The following MYO10 variants were observed in gnomAD, a reference collection of about 807,000 sequenced individuals.
The protein encoded by MYO10 is myosin X.
Under a neutral mutation model 257.3 loss-of-function variants are expected in MYO10, and 133 were observed. The ratio of observed to expected loss-of-function variants is 0.52; its 90% CI spans 0.45 to 0.60. MYO10 has a LOEUF of 0.60. Ranked by LOEUF, MYO10 falls within the 20% of genes least tolerant of loss-of-function variation. MYO10 has a pLI of 0.00. For synonymous variants in MYO10, 1,104 were observed against 1,028.6 expected, an observed-to-expected ratio of 1.07 and a Z score of -1.40; for missense variants, 2,399 against 2,635.7, an observed-to-expected ratio of 0.91 and a Z score of 1.97.
intron 1 of MYO10, among the ~76,000 whole-genome samples, chr5:16,910,499 C>T (rs549625277): frequency 3.1e-4 from 47 of 152,146 alleles, no homozygotes; most frequent in African/African-American, 1.1e-3. Context: ...GGAAGGACCA[C>T]GTGAAAATGA....
chr5:16,749,054 C>A (rs1740303042), intron 19 of MYO10, among the ~76,000 whole-genome samples: 1 of 152,178 alleles, frequency 6.6e-6, no homozygotes, highest in Non-Finnish European at 1.5e-5. Context: ...CCTAACTCCA[C>A]TCCACGTCTC....
At chr5:16,728,941 T>C (rs1471773805) in intron 19 of MYO10, among the ~76,000 whole-genome samples, 1 of 152,242 alleles carries the variant, frequency 6.6e-6, no homozygotes, top group African/African-American at 2.4e-5. Context: ...TCTTTTCTTT[T>C]CTTTTAAGCA....
chr5:16,823,113 G>C lies in MYO10; in HGVS notation c.121-4946C>G, dbSNP rs377408052. Among the ~76,000 whole-genome samples the C allele has an allele frequency of 2.1e-4, 32 of 151,736 alleles. No homozygotes were observed. The South Asian group carries it at 6.3e-3, about 30-fold the overall frequency. On this transcript the variant is annotated intron_variant, in intron 2 of 40. Transcript: ENST00000513610. ...AATTAGCAGGGTATTAGTCGTGCAA[G>C]GTATACAGCAGGAAAGAAAACTCTA...
At chr5:16,830,679 G>GCACACACACACACACACTCACA (rs148243580) in intron 2 of MYO10, among the ~76,000 whole-genome samples, 3,729 of 148,948 alleles carry the variant, frequency 0.025, 69 homozygotes, top group African/African-American at 0.048. Context: ...TTTTTAATAG[G>GCACACACACACACACACTCACA]CACACACACA....
chr5:16,796,909 T>A (rs187936600), intron 3 of MYO10, among the ~76,000 whole-genome samples: 1 of 152,270 alleles, frequency 6.6e-6, no homozygotes. Context: ...CTGACTGGTG[T>A]CTTTGTTAGA....
chr5:16,796,533 C>A (rs993266889), intron 3 of MYO10, among the ~76,000 whole-genome samples: 1 of 151,642 alleles, frequency 6.6e-6, no homozygotes, highest in Non-Finnish European at 1.5e-5. Context: ...TACAGAGTTA[C>A]CAAAGCTTAA....
At chr5:16,813,772 C>T (rs11745637) in intron 3 of MYO10, among the ~76,000 whole-genome samples, 1 of 151,862 alleles carries the variant, frequency 6.6e-6, no homozygotes, top group African/African-American at 2.4e-5. Flanking sequence ...GCCTTAAAAG[C>T]AGACAGCCTT....
At chr5:16,724,631 C>T (rs1032439969) in intron 19 of MYO10, among the ~76,000 whole-genome samples, 3 of 151,824 alleles carry the variant, frequency 2.0e-5, no homozygotes, top group Non-Finnish European at 4.4e-5. Flanking sequence ...CACTGCAAGA[C>T]GTCATGAAGT....
At chr5:16,677,801 C>T (rs1266001345) in intron 33 of MYO10, among the ~76,000 whole-genome samples, 1 of 150,908 alleles carries the variant, frequency 6.6e-6, no homozygotes, top group African/African-American at 2.4e-5. Context: ...GCTCTGGTTG[C>T]CCAGGCTGGA....
At chr5:16,738,348 T>C (rs1739887696) in intron 19 of MYO10, 1 of 985,252 alleles carries the variant, frequency 1.0e-6, no homozygotes, top group African/African-American at 1.7e-5. Context: ...AGAGAAACTG[T>C]GCTGGCTGGG....
chr5:16,857,366 A>G (rs1211476392), intron 2 of MYO10, among the ~76,000 whole-genome samples: 1 of 152,190 alleles, frequency 6.6e-6, no homozygotes, highest in Admixed American at 6.5e-5. Flanking sequence ...GAAAGTGACC[A>G]CCTGTATTTT....
chr5:16,695,682 G>T (rs181942), intron 26 of MYO10, among the ~76,000 whole-genome samples: 53,515 of 118,406 alleles, frequency 0.45, 9,656 homozygotes, highest in African/African-American at 0.52. Context: ...ATCAACATCT[G>T]ACACACATCT....
intron 25 of MYO10, among the ~76,000 whole-genome samples, chr5:16,700,289 T>C (rs1737983087): frequency 6.6e-6 from 1 of 152,054 alleles, no homozygotes; most frequent in South Asian, 2.1e-4. Context: ...TGTCTTCATT[T>C]CCTAACGCAG....
chr5:16,783,368 G>A lies in MYO10; in HGVS notation c.569C>T (p.Thr190Ile), dbSNP rs780248227. The change falls in exon 5 of 41, where the codon ACA becomes ATA. Residue 190 changes from threonine to isoleucine, a missense_variant. By Grantham distance (89) the Thr-to-Ile change is moderately conservative. Around this residue, in one of 3 missense-constraint regions of MYO10, gnomAD observed 242 missense variants for 249.5 expected, o/e 0.97. Transcript: ENST00000513610. The stretch of plus-strand genomic sequence containing the variant: ...AAGAATAGCTCGTTCAACACAGGAT[G>A]TCTTCTCCTTTAAGGACAATTCCAA... ...QSLELSLKEKTSCVERAILES... is the reference protein window; with the variant it reads ...QSLELSLKEKISCVERAILES... 2 of 1,599,450 alleles carry A rather than the reference G, an allele frequency of 1.3e-6. No individual in the cohort carries two copies. The highest frequency in any genetic ancestry group is 2.2e-5 in the East Asian group (1 of 44,682).
chr5:16,858,776 G>A (rs140545137), intron 2 of MYO10, among the ~76,000 whole-genome samples: 1 of 152,168 alleles, frequency 6.6e-6, no homozygotes, highest in Non-Finnish European at 1.5e-5. Flanking sequence ...TGGCCAACAC[G>A]GTGAAACCCC....
At chr5:16,841,765 CTG>C (rs1743487725) in intron 2 of MYO10, among the ~76,000 whole-genome samples, 1 of 152,178 alleles carries the variant, frequency 6.6e-6, no homozygotes, top group Non-Finnish European at 1.5e-5. Flanking sequence ...TTCTCGCAAA[CTG>C]TTTTTCATTA....
At chr5:16,694,843 G>A (rs193082578) in intron 26 of MYO10, among the ~76,000 whole-genome samples, 1 of 152,300 alleles carries the variant, frequency 6.6e-6, no homozygotes, top group African/African-American at 2.4e-5. Context: ...CTATCCAAAG[G>A]AGTTCCTGCT....
At chr5:16,755,484 T>C (rs1304538688) in intron 18 of MYO10, among the ~76,000 whole-genome samples, 1 of 152,220 alleles carries the variant, frequency 6.6e-6, no homozygotes, top group Non-Finnish European at 1.5e-5. Flanking sequence ...ACAATTTTAA[T>C]AAACCATTCT....
chr5:16,889,409 A>G (rs1402947340), intron 1 of MYO10, among the ~76,000 whole-genome samples: 1 of 151,586 alleles, frequency 6.6e-6, no homozygotes, highest in African/African-American at 2.4e-5. Context: ...CCATCAAGAA[A>G]GACAGAAAGA....
Sources: allele counts gnomAD v4.1 joint callset (sites outside exome capture counted in the v4.1 genomes callset), GRCh38; gene constraint gnomAD v4.1.1; regional missense constraint gnomAD v4.1.1; transcripts MANE v1.5; gene names NCBI Gene and HGNC (gene_info 2026-07-23, HGNC 2026-07-21).